Variants in PSD2 observed in about 807,000 individuals in gnomAD.
PSD2 encodes the protein pleckstrin and Sec7 domain containing 2, also known as PH and SEC7 domain-containing protein 2.
Under a neutral mutation model 69.8 loss-of-function variants are expected in PSD2, and 38 were observed. That is an observed-to-expected ratio of 0.54 (90% CI 0.42 to 0.71). PSD2 has a LOEUF of 0.71. Among genes scored for constraint, PSD2 ranks in the 30% least tolerant of loss-of-function variants. The pLI is 0.00. For missense variants in PSD2, 943 were observed against 1,014.5 expected, an observed-to-expected ratio of 0.93 and a Z score of 0.96; for synonymous variants, 412 against 423.0, an observed-to-expected ratio of 0.97 and a Z score of 0.32.
the PSD2 span, among the ~76,000 whole-genome samples, chr5:139,788,770 C>T: frequency 6.6e-6 from 1 of 152,216 alleles, no homozygotes; most frequent in South Asian, 2.1e-4. Context: ...TCCTGTGGGG[C>T]TTTGTCCACC....
intron 1 of PSD2, among the ~76,000 whole-genome samples, chr5:139,803,887 A>T (rs1759732905): frequency 6.6e-6 from 1 of 151,688 alleles, no homozygotes; most frequent in East Asian, 1.9e-4. Flanking sequence ...AAGATCCTTA[A>T]CTCCAGGCCC....
chr5:139,807,773 G>C (rs949826329), intron 1 of PSD2, among the ~76,000 whole-genome samples: 1 of 152,174 alleles, frequency 6.6e-6, no homozygotes, highest in African/African-American at 2.4e-5. Flanking sequence ...CAGAATTCCT[G>C]AGAAGTGGAC....
At chr5:139,783,425 G>C in the PSD2 span, among the ~76,000 whole-genome samples, 1 of 152,314 alleles carries the variant, frequency 6.6e-6, no homozygotes, top group Middle Eastern at 3.4e-3. Flanking sequence ...CTGGATGACA[G>C]AACAAGACCC....
At chr5:139,780,689 C>T in the PSD2 span, among the ~76,000 whole-genome samples, 1 of 152,248 alleles carries the variant, frequency 6.6e-6, no homozygotes. Context: ...AATGATCCAC[C>T]AGCCTCGGCC....
chr5:139,763,282 C>T, the PSD2 span, among the ~76,000 whole-genome samples: 4 of 152,148 alleles, frequency 2.6e-5, no homozygotes, highest in Admixed American at 6.5e-5. Flanking sequence ...CCTGGGAAGT[C>T]CTTCCAGGAG....
chr5:139,809,034 C>T (rs1390471028), intron 1 of PSD2, among the ~76,000 whole-genome samples: 3 of 152,342 alleles, frequency 2.0e-5, no homozygotes, highest in Admixed American at 6.5e-5. Flanking sequence ...CACTCACCAG[C>T]GGGAATGGGA....
At chr5:139,809,324 T>C in intron 1 of PSD2, 67 bp from the exon 2 acceptor site, 1 of 1,280,866 alleles carries the variant, frequency 7.8e-7, no homozygotes, top group Non-Finnish European at 1.1e-6. Flanking sequence ...CTGGTTCTGC[T>C]GGACTTTAGG....
intron 7 of PSD2, among the ~76,000 whole-genome samples, chr5:139,827,190 G>A (rs560013886): frequency 1.8e-4 from 28 of 152,332 alleles, no homozygotes; most frequent in African/African-American, 6.5e-4. Flanking sequence ...AATGGGAAAA[G>A]GGTTTTGGAG....
rs546723541 is a variant in PSD2, at chr5:139,837,880, A to G, written c.1823+98A>G. 10 of 1,211,602 alleles carry G rather than the reference A, an allele frequency of 8.3e-6. No individual in the cohort carries two copies. The East Asian group carries it at 2.5e-4, about 30-fold the overall frequency. 75.1% of individuals were successfully genotyped at this position (1,211,602 alleles called of 1,614,324 possible). A position where few individuals can be genotyped will look rare whatever the true frequency, so the allele number is the denominator to read the frequency against. ...CCTTCCCGTGAGTCAGCAACAGAGC[A>G]TGTGTATCCACATGACACAGACCGA... On this transcript the variant is annotated intron_variant, in intron 12 of 14. Coordinates refer to ENST00000274710, the MANE Select transcript of PSD2 (RefSeq NM_032289.4). The surrounding 1 kb of genome is among the most constrained non-coding windows in gnomAD (Gnocchi z 5.0).
chr5:139,840,314 C>T (rs1760843238), intron 14 of PSD2, 144 bp downstream of exon 14: 1 of 869,712 alleles, frequency 1.1e-6, no homozygotes, highest in Non-Finnish European at 1.7e-6. Flanking sequence ...GGTCCCCTGA[C>T]CTTTAGTCCC....
chr5:139,770,184 G>A, the PSD2 span, among the ~76,000 whole-genome samples: 1 of 152,178 alleles, frequency 6.6e-6, no homozygotes, highest in Non-Finnish European at 1.5e-5. Flanking sequence ...TAAGAGGAAC[G>A]CTGACAGCCC....
At chr5:139,779,554 A>G in the PSD2 span, among the ~76,000 whole-genome samples, 4 of 152,188 alleles carry the variant, frequency 2.6e-5, no homozygotes, top group Admixed American at 2.6e-4. Context: ...TTGTTCTATG[A>G]AGGCAAAATT....
chr5:139,837,582 G>T lies in PSD2; in HGVS notation c.1666-43G>T. ...CAGTGAGGGGAGGGGAGAGTGGAAG[G>T]TGTGGGTCAGTGACCCTAGCTCGCC... On this transcript the variant is annotated intron_variant, in intron 11 of 14. Coordinates refer to ENST00000274710, the MANE Select transcript of PSD2 (RefSeq NM_032289.4). The surrounding 1 kb of genome is among the most constrained non-coding windows in gnomAD (Gnocchi z 5.0). 1.3e-6 allele frequency: 2 copies of T among 1,558,540 alleles called. No homozygotes were observed. Among genetic ancestry groups the T allele is most frequent in the Non-Finnish European group, 1.7e-6 (2 of 1,144,306 alleles).
chr5:139,759,089 C>T, the PSD2 span, among the ~76,000 whole-genome samples: 1 of 152,106 alleles, frequency 6.6e-6, no homozygotes, highest in East Asian at 1.9e-4. Context: ...GAGCTGGGGG[C>T]TGAAATCTCT....
At chr5:139,803,431 C>G (rs977032362) in intron 1 of PSD2, among the ~76,000 whole-genome samples, 6 of 152,236 alleles carry the variant, frequency 3.9e-5, no homozygotes, top group Admixed American at 3.3e-4. Context: ...TTTTGGGAGG[C>G]AGCAGCCCTC....
At chr5:139,765,401 C>T in the PSD2 span, among the ~76,000 whole-genome samples, 1 of 152,174 alleles carries the variant, frequency 6.6e-6, no homozygotes, top group African/African-American at 2.4e-5. Flanking sequence ...CCGGTGGCCC[C>T]CAGTGCCCTC....
At chr5:139,834,874 C>CCATG (rs1283023036) in intron 8 of PSD2, among the ~76,000 whole-genome samples, 4 of 151,958 alleles carry the variant, frequency 2.6e-5, no homozygotes, top group Non-Finnish European at 4.4e-5. Flanking sequence ...ACTCATCCTC[C>CCATG]CATGCATCCA....
At chr5:139,785,230 CTTCCT>C in the PSD2 span, among the ~76,000 whole-genome samples, 1 of 145,560 alleles carries the variant, frequency 6.9e-6, no homozygotes, top group East Asian at 2.0e-4. Flanking sequence ...CCCTCCCTTC[CTTCCT>C]TTTTTTTTTT....
At chr5:139,832,543 T>A (rs955155822) in intron 7 of PSD2, among the ~76,000 whole-genome samples, 1 of 152,218 alleles carries the variant, frequency 6.6e-6, no homozygotes, top group African/African-American at 2.4e-5. Flanking sequence ...GGAAATGACA[T>A]GGAATCCTCT....
Sources: gnomAD v4.1 joint callset for allele counts (sites outside exome capture counted in the v4.1 genomes callset) on GRCh38, gnomAD v4.1.1 for gene constraint, Gnocchi (gnomAD v3.1) non-coding constraint, MANE v1.5 for transcripts, NCBI Gene and HGNC (gene_info 2026-07-23, HGNC 2026-07-21) for gene names.